The following HLF variants were observed in gnomAD, a reference collection of about 807,000 sequenced individuals.
HLF encodes hepatic leukemia factor.
Under a neutral mutation model 22.6 loss-of-function variants are expected in HLF, and 3 were observed. The observed-to-expected ratio is 0.13, with a 90% CI of 0.06 to 0.34. The LOEUF (loss-of-function observed/expected upper bound fraction) is 0.34. Among genes scored for constraint, HLF ranks in the 10% least tolerant of loss-of-function variants. The pLI is 1.00. For missense variants in HLF, 299 were observed against 389.2 expected (o/e 0.77, Z 1.95); for synonymous variants, 151 against 151.8 (o/e 0.99, Z 0.04).
intron 2 of HLF, among the ~76,000 whole-genome samples, chr17:55,271,167 A>G (rs552703305): frequency 5.9e-5 from 9 of 152,360 alleles, no homozygotes; most frequent in African/African-American, 2.2e-4. Flanking sequence ...GGACCCTGTC[A>G]CACGCATGGA....
chr17:55,310,252 C>T (rs1904768836), intron 2 of HLF, among the ~76,000 whole-genome samples: 1 of 152,146 alleles, frequency 6.6e-6, no homozygotes, highest in African/African-American at 2.4e-5. Context: ...AAACAATGTT[C>T]CAGTAACTGC....
Position 55,320,589 on chromosome 17 carries a change from C to T in HLF, c.673-75C>T, listed in dbSNP as rs1905229811. On this transcript the variant is annotated intron_variant, in intron 3 of 3. Coordinates refer to ENST00000226067, the MANE Select transcript of HLF (RefSeq NM_002126.5). The surrounding 1 kb of genome is among the most constrained non-coding windows in gnomAD (Gnocchi z 4.2). Reference sequence around the variant, plus strand: ...CCTCTGCACAATCCTGGAGCCTGCCCGTGCCCTGGCTGGCACTGGGCTTTG... The same window carrying T: ...CCTCTGCACAATCCTGGAGCCTGCCTGTGCCCTGGCTGGCACTGGGCTTTG... 5.2e-6 allele frequency: 7 copies of T among 1,357,922 alleles called. No individual in the cohort carries two copies. Among genetic ancestry groups the T allele is most frequent in the South Asian group, 1.3e-5 (1 of 77,948 alleles). 84.1% of individuals were successfully genotyped at this position (1,357,922 alleles called of 1,614,324 possible).
chr17:55,293,387 C>A (rs1170929779), intron 2 of HLF, among the ~76,000 whole-genome samples: 2 of 152,090 alleles, frequency 1.3e-5, no homozygotes, highest in African/African-American at 4.8e-5. Flanking sequence ...GCAGAGCTTC[C>A]CCCTTTATCT....
At position 55,321,054 on chromosome 17, in the gene HLF, T is replaced by C. The variant is rs775354412; in HGVS notation, c.*175T>C. Reference sequence around the variant, plus strand: ...GTGCGTGTATATGTGCTTGTGCTCATGTGTGTGGTCAGCGGTATGTGCGTG... The same window carrying C: ...GTGCGTGTATATGTGCTTGTGCTCACGTGTGTGGTCAGCGGTATGTGCGTG... On this transcript the variant is annotated 3_prime_UTR_variant, in exon 4 of 4. Coordinates refer to ENST00000226067, the MANE Select transcript of HLF (RefSeq NM_002126.5). 12 of 600,568 alleles carry C rather than the reference T, an allele frequency of 2.0e-5. No homozygotes were observed. Among genetic ancestry groups the C allele is most frequent in the Admixed American group, 1.8e-4 (6 of 34,046 alleles). The allele number at this position is 600,568 out of a possible 1,614,324, so 37.2% of individuals were successfully genotyped here.
chr17:55,291,191 G>C (rs1272622861), intron 2 of HLF, among the ~76,000 whole-genome samples: 1 of 152,220 alleles, frequency 6.6e-6, no homozygotes, highest in Non-Finnish European at 1.5e-5. Context: ...TAAGATCATT[G>C]ATGAAGGTGG....
intron 3 of HLF, among the ~76,000 whole-genome samples, chr17:55,317,112 C>T (rs534091888): frequency 7.2e-5 from 11 of 152,032 alleles, no homozygotes; most frequent in East Asian, 1.9e-4. Context: ...AGACTACAGG[C>T]GCACGCCACC....
intron 2 of HLF, among the ~76,000 whole-genome samples, chr17:55,291,974 G>T (rs1185080223): frequency 6.6e-6 from 1 of 152,212 alleles, no homozygotes; most frequent in Non-Finnish European, 1.5e-5. Flanking sequence ...ATTAGAAGTA[G>T]AACTTGAAGA....
intron 2 of HLF, among the ~76,000 whole-genome samples, chr17:55,303,784 A>AG (rs1274862002): frequency 5.3e-5 from 8 of 152,070 alleles, no homozygotes; most frequent in Non-Finnish European, 1.2e-4. Flanking sequence ...AAATTCAGCG[A>AG]GGGGGGTGAA....
rs1392774581 is a variant in HLF, at chr17:55,320,245, T to G, written c.673-419T>G. On this transcript the variant is annotated intron_variant, in intron 3 of 3. Transcript: ENST00000226067. The surrounding 1 kb of genome is among the most constrained non-coding windows in gnomAD (Gnocchi z 4.2). Reference sequence around the variant, plus strand: ...TAAATAGTTGATAGATATTGCCAAATTGCCTTCTAAAATTTTTGTACCAAC... The same window carrying G: ...TAAATAGTTGATAGATATTGCCAAAGTGCCTTCTAAAATTTTTGTACCAAC... Among the ~76,000 whole-genome samples, 1 of 152,180 alleles carries G rather than the reference T, an allele frequency of 6.6e-6. No individual in the cohort carries two copies. The highest frequency in any genetic ancestry group is 1.5e-5 in the Non-Finnish European group (1 of 68,024).
intron 2 of HLF, among the ~76,000 whole-genome samples, chr17:55,294,268 CAA>C (rs1223423373): frequency 6.6e-6 from 1 of 152,184 alleles, no homozygotes; most frequent in Non-Finnish European, 1.5e-5. Context: ...CGCATATGGT[CAA>C]GAGAATGTGT....
At chr17:55,302,768 T>C (rs988757780) in intron 2 of HLF, among the ~76,000 whole-genome samples, 4 of 152,170 alleles carry the variant, frequency 2.6e-5, no homozygotes, top group African/African-American at 7.2e-5. Flanking sequence ...TTAAAAAGAC[T>C]CCAGGGACCT....
In HLF at chr17:55,315,212, C is replaced by T. The variant is rs200972587; in HGVS notation, c.452-15C>T. 261 of 1,610,136 alleles carry T rather than the reference C, an allele frequency of 1.6e-4. 1 individual carries two copies. The African/African-American group carries it at 3.1e-3, about 19-fold the overall frequency. ...TCTAGGGTGTTCATGAATTAAAACT[C>T]CTGTGTTGTTCCAGGTCAGCTGTTG... is the stretch of plus-strand genomic sequence containing the variant. On this transcript the variant is annotated splice_polypyrimidine_tract_variant and intron_variant, in intron 2 of 3. Transcript: ENST00000226067.
Position 55,325,180 on chromosome 17 carries a change from A to C in HLF, c.*4301A>C, listed in dbSNP as rs1263908171. 1.1e-5 allele frequency: 2 copies of C among 174,946 alleles called. No homozygotes were observed. The highest frequency in any genetic ancestry group is 2.5e-5 in the Non-Finnish European group (2 of 81,064). The allele number at this position is 174,946 out of a possible 1,614,324, so 10.8% of individuals were successfully genotyped here. A position where few individuals can be genotyped will look rare whatever the true frequency, so the allele number is the denominator to read the frequency against. On this transcript the variant is annotated 3_prime_UTR_variant, in exon 4 of 4. Coordinates refer to ENST00000226067, the MANE Select transcript of HLF (RefSeq NM_002126.5). ...GATAATAAAATGATAATACTATATA[A>C]TTAGTAATAAATTAACATTTATTGG...
intron 2 of HLF, among the ~76,000 whole-genome samples, chr17:55,300,819 A>G (rs551544094): frequency 2.2e-4 from 34 of 152,300 alleles, no homozygotes; most frequent in South Asian, 1.2e-3. Flanking sequence ...GAAACGAGTC[A>G]TCTGATCAAG....
At chr17:55,273,834 T>A (rs1269718838) in intron 2 of HLF, among the ~76,000 whole-genome samples, 1 of 151,358 alleles carries the variant, frequency 6.6e-6, no homozygotes, top group African/African-American at 2.4e-5. Context: ...GCAATTGTAA[T>A]CCTGACCCTG....
At position 55,286,563 on chromosome 17, in the gene HLF, A is replaced by G. The variant is rs534965435; in HGVS notation, c.451+18477A>G. Among the ~76,000 whole-genome samples the G allele has an allele frequency of 2.6e-5, 4 of 152,240 alleles. No individual in the cohort carries two copies. The South Asian group carries it at 8.3e-4, about 32-fold the overall frequency. ...AATAAAGTTGGTTTTGGAATTTTAA[A>G]CCTTCCTTAGGAAAGACTTGAATGG... On this transcript the variant is annotated intron_variant, in intron 2 of 3. Coordinates refer to ENST00000226067, the MANE Select transcript of HLF (RefSeq NM_002126.5).
Position 55,315,255 on chromosome 17 carries a change from A to G in HLF, c.480A>G (p.Thr160=). 6.2e-7 allele frequency: 1 copy of G among 1,614,206 alleles called. No homozygotes were observed. ...PGQLLPANRN[T]PSPIDPDTIQ... ...AGCTGTTGCCAGCAAACCGCAATAC[A>G]CCAAGTCCCATTGATCCTGACACCA... The change falls in exon 3 of 4, where the codon ACA becomes ACG. Residue 160 remains threonine, a synonymous_variant. Coordinates refer to ENST00000226067, the MANE Select transcript of HLF (RefSeq NM_002126.5).
At chr17:55,297,813 G>A (rs142057221) in intron 2 of HLF, among the ~76,000 whole-genome samples, 1,638 of 137,512 alleles carry the variant, frequency 0.012, 20 homozygotes, top group Middle Eastern at 0.044. Context: ...GCAATGGCGC[G>A]ACCTCAGCTC....
intron 2 of HLF, among the ~76,000 whole-genome samples, chr17:55,288,544 C>G (rs1346504792): frequency 6.6e-6 from 1 of 152,066 alleles, no homozygotes; most frequent in Non-Finnish European, 1.5e-5. Flanking sequence ...AGGTGGATCA[C>G]TTGAGCTCAG....
Sources: gnomAD v4.1 joint callset for allele counts (sites outside exome capture counted in the v4.1 genomes callset) on GRCh38, gnomAD v4.1.1 for gene constraint, Gnocchi (gnomAD v3.1) non-coding constraint, MANE v1.5 for transcripts, NCBI Gene and HGNC (gene_info 2026-07-23, HGNC 2026-07-21) for gene names.